Variants in CPB2 observed in about 807,000 individuals in gnomAD.
CPB2 encodes carboxypeptidase B-like protein.
CPB2 carries 54 observed loss-of-function variants against 57.0 expected under a neutral mutation model. The observed-to-expected ratio is 0.95, with a 90% CI of 0.76 to 1.19. The LOEUF (loss-of-function observed/expected upper bound fraction) is 1.19. CPB2 is among the 50% of genes most tolerant of loss of function. CPB2 has a pLI of 0.00. For synonymous variants in CPB2, 189 were observed against 178.1 expected, an observed-to-expected ratio of 1.06 and a Z score of -0.49; for missense variants, 426 against 512.0, an observed-to-expected ratio of 0.83 and a Z score of 1.62.
At chr13:46,099,609 A>G (rs1201121427) in intron 1 of CPB2, 1 of 152,224 alleles carries the variant, frequency 6.6e-6, no homozygotes, top group African/African-American at 2.4e-5. Flanking sequence ...CTAGAGCATA[A>G]TATGTCTGGG....
intron 1 of CPB2, among the ~76,000 whole-genome samples, chr13:46,096,069 C>A (rs1033198041): frequency 1.3e-5 from 2 of 151,596 alleles, no homozygotes; most frequent in East Asian, 3.9e-4. Context: ...TTAGTAAAAA[C>A]GGGGATTCAC....
rs542437757 is a variant in CPB2 at position 46,084,565 on chromosome 13, AG to A, written c.151-223del. On this transcript the variant is annotated intron_variant, in intron 2 of 10. Transcript: ENST00000181383. Reference sequence around the variant, plus strand: ...AGTTGCTAAAAAAAAATAAAATAAAAGGGCCTGGAATATACAAGATAATCCA... The same window carrying A: ...AGTTGCTAAAAAAAAATAAAATAAAAGGCCTGGAATATACAAGATAATCCA... Among the ~76,000 whole-genome samples the A allele has an allele frequency of 2.8e-3, 426 of 152,296 alleles. 1 individual carries two copies. Among genetic ancestry groups the A allele is most frequent in the Non-Finnish European group, 4.5e-3 (308 of 68,028 alleles).
Position 46,055,791 on chromosome 13 carries a change from T to C in CPB2, c.1058A>G (p.Tyr353Cys). The C allele has an allele frequency of 6.2e-7, 1 of 1,602,086 alleles. No homozygotes were observed. Among genetic ancestry groups the C allele is most frequent in the Non-Finnish European group, 8.5e-7 (1 of 1,171,824 alleles). The change falls in exon 10 of 11, where the codon TAT (tyrosine) becomes TGT (cysteine). Residue 353 changes from tyrosine (Y) to cysteine (C), a missense_variant. By Grantham distance (194) the Tyr-to-Cys change is radical (BLOSUM62 -2). Coordinates refer to ENST00000181383, the MANE Select transcript of CPB2 (RefSeq NM_001872.5). ...GGTTTCTGAGCCATGGCCATGTGTA[T>C]ACCTGGTATTTTTACTAATTTTCTC... ...AIEKISKNTR[Y>C]THGHGSETLY...
chr13:46,086,065 A>C (rs551955238), intron 2 of CPB2, among the ~76,000 whole-genome samples: 5 of 152,250 alleles, frequency 3.3e-5, no homozygotes, highest in Admixed American at 3.3e-4. Context: ...GTGTCCCTCA[A>C]GCAGCTTCAA....
chr13:46,055,786 G>A lies in CPB2; in HGVS notation c.1063C>T (p.His355Tyr). The change falls in exon 10 of 11, where the codon CAT (histidine) becomes TAT (tyrosine). Residue 355 changes from histidine to tyrosine, a missense_variant. Coordinates refer to ENST00000181383, the MANE Select transcript of CPB2 (RefSeq NM_001872.5). The stretch of plus-strand genomic sequence containing the variant: ...CATAAGGTTTCTGAGCCATGGCCAT[G>A]TGTATACCTGGTATTTTTACTAATT... ...EKISKNTRYT[H>Y]GHGSETLYLA... is the part of the protein sequence containing the mutation. The A allele has an allele frequency of 2.5e-6, 4 of 1,599,294 alleles. No homozygotes were observed. Among genetic ancestry groups the A allele is most frequent in the Non-Finnish European group, 3.4e-6 (4 of 1,169,808 alleles).
At chr13:46,054,322 C>T (rs1020552710) in intron 10 of CPB2, among the ~76,000 whole-genome samples, 7 of 152,160 alleles carry the variant, frequency 4.6e-5, no homozygotes, top group African/African-American at 1.7e-4. Context: ...ATAAAAACGA[C>T]ATTAGTGTTA....
Position 46,078,427 on chromosome 13 carries a change from A to G in CPB2, c.486+373T>C, listed in dbSNP as rs566444035. Among the ~76,000 whole-genome samples the G allele has an allele frequency of 4.6e-5, 7 of 152,316 alleles. No individual in the cohort carries two copies. The East Asian group carries it at 1.3e-3, about 29-fold the overall frequency. ...TGTTAAATGGCTTATCTAATGTCAC[A>G]TAAACAGAAACAGAGTTAATTCTAG... On this transcript the variant is annotated intron_variant, in intron 5 of 10. Transcript: ENST00000181383.
intron 9 of CPB2, among the ~76,000 whole-genome samples, chr13:46,056,693 T>C (rs764631395): frequency 1.3e-5 from 2 of 152,198 alleles, no homozygotes; most frequent in Non-Finnish European, 2.9e-5. Flanking sequence ...TTTTGCATCC[T>C]CTTATGGTGA....
rs1373727028 is a variant in CPB2, at chr13:46,102,551, A to AAC, written c.74+2384_74+2385insGT. ...GAAAATGATTATGACAAAAAAAAAA[A>AAC]AAAAAACAAAGAACAGCTTTAAGAA... On this transcript the variant is annotated intron_variant, in intron 1 of 10. Transcript: ENST00000181383. Among the ~76,000 whole-genome samples, 441 of 148,762 alleles carry AAC rather than the reference A, an allele frequency of 3.0e-3. 1 individual carries two copies. Among genetic ancestry groups the AAC allele is most frequent in the Non-Finnish European group, 4.4e-3 (292 of 67,094 alleles).
intron 1 of CPB2, among the ~76,000 whole-genome samples, chr13:46,095,876 C>CGT (rs1555311444): frequency 1.2e-5 from 1 of 85,746 alleles, no homozygotes; most frequent in East Asian, 2.8e-4. Flanking sequence ...GGCTATAGGA[C>CGT]TTTTTTTTTT....
chr13:46,077,958 T>C (rs1436104437), intron 5 of CPB2, among the ~76,000 whole-genome samples: 1 of 152,102 alleles, frequency 6.6e-6, no homozygotes, highest in Non-Finnish European at 1.5e-5. Flanking sequence ...AGAGATTAAT[T>C]AGTGGGTACA....
chr13:46,079,919 C>G (rs921381959), intron 4 of CPB2, among the ~76,000 whole-genome samples: 1 of 152,154 alleles, frequency 6.6e-6, no homozygotes, highest in Non-Finnish European at 1.5e-5. Flanking sequence ...AAGTACCGAC[C>G]CTGTCAGTGT....
At chr13:46,085,752 G>A (rs545996035) in intron 2 of CPB2, among the ~76,000 whole-genome samples, 1 of 152,224 alleles carries the variant, frequency 6.6e-6, no homozygotes, top group Admixed American at 6.5e-5. Context: ...AACAAACAAG[G>A]AGCCATCAAT....
rs893950199 is a variant in CPB2 at position 46,075,817 on chromosome 13, A to AT, written c.487-1841dup. Among the ~76,000 whole-genome samples, 7 of 151,546 alleles carry AT rather than the reference A, an allele frequency of 4.6e-5. 1 individual carries two copies. The highest frequency in any genetic ancestry group is 4.2e-4 in the South Asian group (2 of 4,814). ...ATTATTTTCCAGAGCTTTAAAAAAA[A>AT]TTTTTTTTAAGAGAGAGAGGTAGAA... On this transcript the variant is annotated intron_variant, in intron 5 of 10. Coordinates refer to ENST00000181383, the MANE Select transcript of CPB2 (RefSeq NM_001872.5).
At position 46,061,000 on chromosome 13, in the gene CPB2, A is replaced by G. The variant is rs1006473768; in HGVS notation, c.797-2619T>C. Among the ~76,000 whole-genome samples, 44 of 152,152 alleles carry G rather than the reference A, an allele frequency of 2.9e-4. 1 individual carries two copies. The highest frequency in any genetic ancestry group is 2.9e-4 in the Non-Finnish European group (20 of 68,038). ...AATAGGCAAATTCATAGAGACAGAA[A>G]GTAGATAAGAAATTACCAAGGGCTG... On this transcript the variant is annotated intron_variant, in intron 8 of 10. Coordinates refer to ENST00000181383, the MANE Select transcript of CPB2 (RefSeq NM_001872.5).
intron 5 of CPB2, among the ~76,000 whole-genome samples, chr13:46,078,555 G>T (rs1326398): frequency 0.37 from 56,370 of 151,846 alleles, 10,776 homozygotes; most frequent in African/African-American, 0.44. Context: ...CCTTAGGGTG[G>T]GTACTAATCC....
intron 8 of CPB2, among the ~76,000 whole-genome samples, chr13:46,062,611 T>C (rs1362152971): frequency 6.6e-6 from 1 of 152,158 alleles, no homozygotes; most frequent in Non-Finnish European, 1.5e-5. Flanking sequence ...AACTGCTTCT[T>C]CCTCTGAGTT....
At chr13:46,095,931 G>C (rs1038259367) in intron 1 of CPB2, among the ~76,000 whole-genome samples, 1 of 141,410 alleles carries the variant, frequency 7.1e-6, no homozygotes, top group African/African-American at 2.7e-5. Context: ...ACCCAGGCTG[G>C]AGTGCAATGG....
chr13:46,060,030 G>A (rs1028255866), intron 8 of CPB2, among the ~76,000 whole-genome samples: 3 of 152,104 alleles, frequency 2.0e-5, no homozygotes, highest in African/African-American at 4.8e-5. Flanking sequence ...ATTATATATT[G>A]GGTATGGAGG....
Sources: allele counts gnomAD v4.1 joint callset (sites outside exome capture counted in the v4.1 genomes callset), GRCh38; gene constraint gnomAD v4.1.1; transcripts MANE v1.5; gene names NCBI Gene and HGNC (gene_info 2026-07-23, HGNC 2026-07-21).